ABRAXAS1: variants seen among roughly 807,000 people sequenced by gnomAD.
ABRAXAS1 encodes the protein abraxas 1, BRCA1 A complex subunit.
ABRAXAS1 carries 26 observed loss-of-function variants against 38.4 expected under a neutral mutation model. That is an observed-to-expected ratio of 0.68 (90% CI 0.50 to 0.94). The LOEUF (loss-of-function observed/expected upper bound fraction) is 0.94, where lower values mean the gene tolerates loss of function less well. ABRAXAS1 is among the 40% of genes least tolerant of loss of function. The probability of loss-of-function intolerance (pLI) is 0.00; values close to 1 mark genes in which losing one functional copy is unlikely to be tolerated. For synonymous variants in ABRAXAS1, 144 were observed against 165.5 expected (o/e 0.87, Z 1.00); for missense variants, 438 against 481.9 (o/e 0.91, Z 0.85).
intron 6 of ABRAXAS1, 133 bp from the exon 7 acceptor site, chr4:83,467,671 C>G (rs959080858): frequency 1.7e-6 from 1 of 585,764 alleles, no homozygotes; most frequent in African/African-American, 1.9e-5. Context: ...TTTTGTCAAT[C>G]TATGTGTATA....
intron 7 of ABRAXAS1, chr4:83,467,172 T>C: frequency 3.3e-6 from 1 of 305,188 alleles, no homozygotes. Flanking sequence ...GCATTACAGA[T>C]CAAATAGGGG....
Position 83,460,661 on chromosome 4 carries a change from T to C in ABRAXAS1, c.*1808A>G, listed in dbSNP as rs557033911. The stretch of plus-strand genomic sequence containing the variant: ...GCTCACACCTGTAATCCCAGCACTT[T>C]GGGAGGCTGAGGTGGGCAGATCACC... On this transcript the variant is annotated 3_prime_UTR_variant, in exon 9 of 9. Transcript: ENST00000321945. 3.1e-5 allele frequency: 9 copies of C among 287,756 alleles called. No homozygotes were observed. In the East Asian group the frequency reaches 7.5e-4, roughly 24 times the overall value. The allele number at this position is 287,756 out of a possible 1,614,324, so 17.8% of individuals were successfully genotyped here. A position where few individuals can be genotyped will look rare whatever the true frequency, so the allele number is the denominator to read the frequency against.
At chr4:83,477,878 A>C in intron 2 of ABRAXAS1, 2 of 745,512 alleles carry the variant, frequency 2.7e-6, no homozygotes, top group Non-Finnish European at 4.9e-6. Flanking sequence ...TCTTTTAATC[A>C]ACATGATCTG....
chr4:83,478,528 G>T (rs747860946), intron 2 of ABRAXAS1: 1 of 341,846 alleles, frequency 2.9e-6, no homozygotes, highest in Non-Finnish European at 5.9e-6. Context: ...TTACCAAACC[G>T]TTGGTCTCCT....
At chr4:83,482,487 T>C (rs568276944) in intron 1 of ABRAXAS1, among the ~76,000 whole-genome samples, 6 of 152,300 alleles carry the variant, frequency 3.9e-5, no homozygotes, top group East Asian at 1.9e-4. Flanking sequence ...GGTGGGCAGA[T>C]AGTTTGAACC....
In ABRAXAS1 at chr4:83,462,236, C is replaced by T. The variant is rs1722146103; in HGVS notation, c.*233G>A. On this transcript the variant is annotated 3_prime_UTR_variant, in exon 9 of 9. Transcript: ENST00000321945. Reference sequence around the variant, plus strand: ...AGAATGTGTCTGTGTAAGCCTTCCCCTCAACAACTTAGTGAAAGGTGAAAA... The same window carrying T: ...AGAATGTGTCTGTGTAAGCCTTCCCTTCAACAACTTAGTGAAAGGTGAAAA... The T allele has an allele frequency of 4.2e-6, 2 of 476,890 alleles. No individual in the cohort carries two copies. Among genetic ancestry groups the T allele is most frequent in the Non-Finnish European group, 7.5e-6 (2 of 267,970 alleles). The allele number at this position is 476,890 out of a possible 1,614,324, so 29.5% of individuals were successfully genotyped here.
At chr4:83,476,782 CTGAT>C (rs1316558150) in intron 2 of ABRAXAS1, 103 bp from the exon 3 acceptor site, 60 of 669,152 alleles carry the variant, frequency 9.0e-5, no homozygotes, top group Non-Finnish European at 1.5e-4. Context: ...TACTTTACCA[CTGAT>C]TATCTGATTT....
At chr4:83,469,314 C>CTTT in intron 5 of ABRAXAS1, 163 bp from the exon 6 acceptor site, 1 of 580,306 alleles carries the variant, frequency 1.7e-6, no homozygotes. Flanking sequence ...CTTGAAACAA[C>CTTT]TGTTTTTTTT....
In ABRAXAS1 at chr4:83,469,024, A is replaced by G; in HGVS notation, c.596+8T>C. ...TAGAAGTTTTGTGAGAAAGCAGTTG[A>G]ATCTTACCTGTGTGTTTGTACTGCT... On this transcript the variant is annotated splice_region_variant and intron_variant, in intron 6 of 8. Coordinates refer to ENST00000321945, the MANE Select transcript of ABRAXAS1 (RefSeq NM_139076.3). 1 of 1,609,168 alleles carries G rather than the reference A, an allele frequency of 6.2e-7. No individual in the cohort carries two copies.
At chr4:83,474,915 T>C (rs1722712870) in intron 3 of ABRAXAS1, among the ~76,000 whole-genome samples, 1 of 152,148 alleles carries the variant, frequency 6.6e-6, no homozygotes, top group Admixed American at 6.5e-5. Context: ...CTTGGTTAAA[T>C]CATGAACTTT....
At position 83,461,152 on chromosome 4, in the gene ABRAXAS1, A is replaced by G. The variant is rs1311683034; in HGVS notation, c.*1317T>C. 1.9e-6 allele frequency: 3 copies of G among 1,613,326 alleles called. No individual in the cohort carries two copies. On this transcript the variant is annotated 3_prime_UTR_variant, in exon 9 of 9. Transcript: ENST00000321945. Reference sequence around the variant, plus strand: ...TGCCAGTTACATACAAGGATCCTGCATATCTCAAGGACCCTAAAGTTTGTA... The same window carrying G: ...TGCCAGTTACATACAAGGATCCTGCGTATCTCAAGGACCCTAAAGTTTGTA...
chr4:83,464,592 G>T (rs565435159), intron 7 of ABRAXAS1, among the ~76,000 whole-genome samples: 1 of 152,272 alleles, frequency 6.6e-6, no homozygotes, highest in East Asian at 1.9e-4. Flanking sequence ...TAGGATGTCT[G>T]CCAAGCCTAC....
intron 6 of ABRAXAS1, among the ~76,000 whole-genome samples, chr4:83,468,291 G>A (rs1722448872): frequency 7.0e-6 from 1 of 142,726 alleles, no homozygotes; most frequent in Admixed American, 7.2e-5. Flanking sequence ...GACAACAAGA[G>A]TGAAACTCTG....
At chr4:83,481,802 T>G (rs1200324091) in intron 2 of ABRAXAS1, among the ~76,000 whole-genome samples, 10 of 152,188 alleles carry the variant, frequency 6.6e-5, no homozygotes. Flanking sequence ...CAGGCTGTAG[T>G]GCAGTGGCAC....
intron 6 of ABRAXAS1, among the ~76,000 whole-genome samples, chr4:83,468,708 T>A (rs182745655): frequency 4.1e-4 from 63 of 152,308 alleles, no homozygotes; most frequent in African/African-American, 1.5e-3. Flanking sequence ...ACTATTTTTT[T>A]AAATTTTCTT....
chr4:83,483,759 C>T (rs1162736998), intron 1 of ABRAXAS1, among the ~76,000 whole-genome samples: 1 of 152,040 alleles, frequency 6.6e-6, no homozygotes, highest in Non-Finnish European at 1.5e-5. Flanking sequence ...AGAAAAACCA[C>T]CCTTTAAAGA....
intron 8 of ABRAXAS1, among the ~76,000 whole-genome samples, 187 bp downstream of exon 8, chr4:83,463,307 C>A (rs922428012): frequency 6.6e-6 from 1 of 152,130 alleles, no homozygotes; most frequent in African/African-American, 2.4e-5. Flanking sequence ...GTGGCAGGCA[C>A]CTGGAATCCC....
At chr4:83,475,940 G>A (rs115103164) in intron 3 of ABRAXAS1, among the ~76,000 whole-genome samples, 3,639 of 152,262 alleles carry the variant, frequency 0.024, 138 homozygotes, top group African/African-American at 0.083. Context: ...AATGGCTCAC[G>A]CCTGTAATCC....
rs1319265266 is a variant in ABRAXAS1, at chr4:83,485,024, C to G, written c.49G>C (p.Ala17Pro). The G allele has an allele frequency of 6.3e-7, 1 of 1,595,440 alleles. No individual in the cohort carries two copies. Among genetic ancestry groups the G allele is most frequent in the Non-Finnish European group, 8.5e-7 (1 of 1,171,692 alleles). Reference protein sequence around the residue: ...SAVLSGFVLGALAFQHLNTDS... With the variant: ...SAVLSGFVLGPLAFQHLNTDS... ...GTGTTGAGGTGCTGGAAAGCGAGTG[C>G]GCCGAGCACAAAGCCCGAGAGCACC... is the stretch of plus-strand genomic sequence containing the variant. The change falls in exon 1 of 9, where the codon GCA (alanine) becomes CCA (proline). Residue 17 changes from alanine (A) to proline (P), a missense_variant. Coordinates refer to ENST00000321945, the MANE Select transcript of ABRAXAS1 (RefSeq NM_139076.3).
Sources: allele counts gnomAD v4.1 joint callset (sites outside exome capture counted in the v4.1 genomes callset), GRCh38; gene constraint gnomAD v4.1.1; transcripts MANE v1.5; gene names NCBI Gene and HGNC (gene_info 2026-07-23, HGNC 2026-07-21).